Variants in BAZ2B observed in about 807,000 individuals in gnomAD.
BAZ2B encodes the protein bromodomain adjacent to zinc finger domain 2B.
A neutral mutation model predicts 246.0 loss-of-function variants in BAZ2B; 91 were observed. That is an observed-to-expected ratio of 0.37 (90% CI 0.31 to 0.44). The LOEUF is 0.44. Among genes scored for constraint, BAZ2B ranks in the 20% least tolerant of loss-of-function variants. The pLI is 1.00. For missense variants in BAZ2B, 2,332 were observed against 2,533.7 expected (o/e 0.92, Z 1.71); for synonymous variants, 855 against 860.0 (o/e 0.99, Z 0.10).
At chr2:159,498,189 GC>G (rs1183611615) in intron 2 of BAZ2B, among the ~76,000 whole-genome samples, 3 of 152,160 alleles carry the variant, frequency 2.0e-5, no homozygotes, top group Admixed American at 2.0e-4. Flanking sequence ...TACACTTCCT[GC>G]CAGGTATTTT....
chr2:159,448,318 G>A lies in BAZ2B; in HGVS notation c.426C>T (p.Pro142=), dbSNP rs577276023. 6.1e-5 allele frequency: 99 copies of A among 1,613,408 alleles called. No individual in the cohort carries two copies. In the East Asian group the frequency reaches 1.4e-3, roughly 23 times the overall value. The change falls in exon 5 of 37, where the codon CCC becomes CCT. Residue 142 remains proline (P), a synonymous_variant. Coordinates refer to ENST00000392783, the MANE Select transcript of BAZ2B (RefSeq NM_013450.4). ...PLLGIPPLFA[P]PAQNHDSSSF... is the part of the protein sequence containing the mutation. Reference sequence around the variant, plus strand: ...AAGAAGAATCATGATTCTGGGCTGGGGGAGCAAATAGTGGTGGAATTCCCA... The same window carrying A: ...AAGAAGAATCATGATTCTGGGCTGGAGGAGCAAATAGTGGTGGAATTCCCA...
chr2:159,501,275 TC>T (rs2081801760), intron 2 of BAZ2B, among the ~76,000 whole-genome samples: 1 of 135,874 alleles, frequency 7.4e-6, no homozygotes, highest in African/African-American at 2.8e-5. Flanking sequence ...GCACCTATAG[TC>T]CCAGCTACTC....
intron 3 of BAZ2B, among the ~76,000 whole-genome samples, chr2:159,468,964 T>C (rs1381011829): frequency 6.6e-6 from 1 of 151,358 alleles, no homozygotes; most frequent in Admixed American, 6.6e-5. Flanking sequence ...GGCAGGAGAA[T>C]TGCTTGAACA....
At chr2:159,706,100 A>ACAC in the BAZ2B span, among the ~76,000 whole-genome samples, 1 of 44,808 alleles carries the variant, frequency 2.2e-5, no homozygotes, top group Non-Finnish European at 6.0e-5. Context: ...CACACACACA[A>ACAC]ACACACACAC....
At chr2:159,452,008 T>C (rs899602488) in intron 4 of BAZ2B, among the ~76,000 whole-genome samples, 7 of 152,176 alleles carry the variant, frequency 4.6e-5, no homozygotes, top group African/African-American at 1.7e-4. Context: ...TTTCAGTAAA[T>C]ATCTGTGGAA....
intron 16 of BAZ2B, among the ~76,000 whole-genome samples, chr2:159,402,313 G>T (rs1174154140): frequency 6.6e-6 from 1 of 152,092 alleles, no homozygotes; most frequent in African/African-American, 2.4e-5. Context: ...AGCTGGGTGT[G>T]GTGGTGCATG....
At chr2:159,708,177 A>G in the BAZ2B span, among the ~76,000 whole-genome samples, 3 of 151,644 alleles carry the variant, frequency 2.0e-5, no homozygotes, top group Non-Finnish European at 4.4e-5. Flanking sequence ...ACCTGTAGTC[A>G]CAGCCACACA....
chr2:159,421,464 TG>T (rs2068734809), intron 13 of BAZ2B, among the ~76,000 whole-genome samples: 1 of 152,162 alleles, frequency 6.6e-6, no homozygotes, highest in Non-Finnish European at 1.5e-5. Flanking sequence ...TATGAGCCAC[TG>T]TGCTGGGCCT....
chr2:159,627,514 A>G, the BAZ2B span, among the ~76,000 whole-genome samples: 6 of 152,224 alleles, frequency 3.9e-5, no homozygotes, highest in African/African-American at 1.4e-4. Flanking sequence ...CTGGTTCAAC[A>G]TATGCAAATC....
chr2:159,695,130 C>G, the BAZ2B span: 1 of 151,958 alleles, frequency 6.6e-6, no homozygotes, highest in Non-Finnish European at 1.5e-5. Flanking sequence ...ATTTTTATAT[C>G]TTCTTTAGAA....
intron 1 of BAZ2B, among the ~76,000 whole-genome samples, chr2:159,578,837 C>T (rs890222053): frequency 3.9e-5 from 6 of 152,040 alleles, no homozygotes; most frequent in Non-Finnish European, 7.4e-5. Context: ...GGGTACATAA[C>T]GAGATGAAGG....
At chr2:159,697,172 T>C in the BAZ2B span, among the ~76,000 whole-genome samples, 2 of 152,196 alleles carry the variant, frequency 1.3e-5, no homozygotes, top group African/African-American at 4.8e-5. Flanking sequence ...GCCACTACTT[T>C]AGCTCCCCAA....
chr2:159,660,932 A>G, the BAZ2B span, among the ~76,000 whole-genome samples: 21 of 152,234 alleles, frequency 1.4e-4, no homozygotes, highest in South Asian at 1.0e-3. Flanking sequence ...TAGCATTATT[A>G]AAGTATAATT....
chr2:159,649,479 T>C, the BAZ2B span, among the ~76,000 whole-genome samples: 3 of 152,036 alleles, frequency 2.0e-5, no homozygotes, highest in African/African-American at 7.2e-5. Context: ...TGGCTGTAAA[T>C]ACAGATGAAG....
At chr2:159,597,813 C>G (rs951436950) in intron 1 of BAZ2B, among the ~76,000 whole-genome samples, 1 of 152,108 alleles carries the variant, frequency 6.6e-6, no homozygotes, top group Non-Finnish European at 1.5e-5. Context: ...GTAACCAAAG[C>G]TTGTTTCTCA....
rs777051221 is a variant in BAZ2B, at chr2:159,389,457, C to T, written c.3104G>A (p.Arg1035His). ...EEKERLKQEK[R>H]DEKRLNKERK... ...CTCTTTATTTAATCTTTTCTCATCA[C>T]GTTTTTCTTGTTTCAACCGCTCTTT... The change falls in exon 21 of 37, where the codon CGT becomes CAT. Residue 1035 changes from arginine (R) to histidine (H), a missense_variant. Coordinates refer to ENST00000392783, the MANE Select transcript of BAZ2B (RefSeq NM_013450.4). 21 of 1,607,008 alleles carry T rather than the reference C, an allele frequency of 1.3e-5. No homozygotes were observed. The highest frequency in any genetic ancestry group is 1.7e-4 in the Middle Eastern group (1 of 6,020).
chr2:159,625,888 TAAAG>T, the BAZ2B span, among the ~76,000 whole-genome samples: 1 of 151,508 alleles, frequency 6.6e-6, no homozygotes, highest in Admixed American at 6.6e-5. Flanking sequence ...GCAAAATGGA[TAAAG>T]AGTCAAGACC....
intron 4 of BAZ2B, among the ~76,000 whole-genome samples, chr2:159,448,994 A>C (rs558884904): frequency 6.6e-6 from 1 of 152,150 alleles, no homozygotes; most frequent in African/African-American, 2.4e-5. Context: ...CTCAAAGGAG[A>C]TTTCAAAAAC....
the BAZ2B span, among the ~76,000 whole-genome samples, chr2:159,637,787 TG>T: frequency 1.3e-5 from 2 of 152,078 alleles, no homozygotes; most frequent in African/African-American, 4.8e-5. Flanking sequence ...GTCTCGAACT[TG>T]TGAGCTCAAG....
Sources: gnomAD v4.1 joint callset for allele counts (sites outside exome capture counted in the v4.1 genomes callset) on GRCh38, gnomAD v4.1.1 for gene constraint, MANE v1.5 for transcripts, NCBI Gene and HGNC (gene_info 2026-07-23, HGNC 2026-07-21) for gene names.